The following IFI16 variants were observed in gnomAD, a reference collection of about 807,000 sequenced individuals.
The protein encoded by IFI16 is gamma-interferon-inducible protein 16.
Under a neutral mutation model 68.4 loss-of-function variants are expected in IFI16, and 49 were observed. The ratio of observed to expected loss-of-function variants is 0.72; its 90% CI spans 0.57 to 0.91. IFI16 has a LOEUF of 0.91. Among genes scored for constraint, IFI16 ranks in the 40% least tolerant of loss-of-function variants. The pLI is 0.00. For missense variants in IFI16, 878 were observed against 942.9 expected, an observed-to-expected ratio of 0.93 and a Z score of 0.90; for synonymous variants, 307 against 315.0, an observed-to-expected ratio of 0.97 and a Z score of 0.27.
At chr1:159,035,846 G>GA (rs140069239) in intron 7 of IFI16, among the ~76,000 whole-genome samples, 7,967 of 151,332 alleles carry the variant, frequency 0.053, 704 homozygotes, top group African/African-American at 0.18. Flanking sequence ...ATTGCTCTAA[G>GA]AAAAAAAATT....
At chr1:159,032,356 C>CAA in intron 6 of IFI16, 168 bp from the exon 7 acceptor site, 1 of 407,684 alleles carries the variant, frequency 2.5e-6, no homozygotes, top group Non-Finnish European at 4.3e-6. Flanking sequence ...CACATTTTAG[C>CAA]AAAAAAAATA....
chr1:159,005,036 G>A (rs115791814), upstream of IFI16, among the ~76,000 whole-genome samples: 403 of 152,230 alleles, frequency 2.6e-3, 2 homozygotes, highest in African/African-American at 9.2e-3. Context: ...CCAAATGGGA[G>A]GTATTTAGAT....
At chr1:159,024,152 C>T (rs1477946049) in intron 6 of IFI16, among the ~76,000 whole-genome samples, 1 of 152,168 alleles carries the variant, frequency 6.6e-6, no homozygotes, top group Non-Finnish European at 1.5e-5. Context: ...CAGGCATTTG[C>T]ATCTTGATAT....
At chr1:159,035,171 G>C (rs986578990) in intron 7 of IFI16, among the ~76,000 whole-genome samples, 1 of 151,228 alleles carries the variant, frequency 6.6e-6, no homozygotes, top group Non-Finnish European at 1.5e-5. Flanking sequence ...ATTTTTTTTT[G>C]GTTTGTTTTC....
chr1:159,023,958 C>T (rs777257563), intron 6 of IFI16, among the ~76,000 whole-genome samples: 6 of 152,180 alleles, frequency 3.9e-5, no homozygotes, highest in Non-Finnish European at 8.8e-5. Flanking sequence ...AGATAGAGAG[C>T]TCAGCATGAT....
intron 7 of IFI16, among the ~76,000 whole-genome samples, chr1:159,044,703 T>C (rs1654873120): frequency 6.6e-6 from 1 of 152,188 alleles, no homozygotes; most frequent in Non-Finnish European, 1.5e-5. Context: ...GGGAATGCTT[T>C]AGGTGGAATA....
chr1:159,013,836 T>A (rs1375765407), intron 1 of IFI16, among the ~76,000 whole-genome samples: 1 of 152,164 alleles, frequency 6.6e-6, no homozygotes, highest in African/African-American at 2.4e-5. Flanking sequence ...GTAAAAAAGA[T>A]GCAGCTTATT....
chr1:159,020,216 T>G (rs976963154), intron 5 of IFI16, 125 bp from the exon 6 acceptor site: 1 of 633,200 alleles, frequency 1.6e-6, no homozygotes, highest in Non-Finnish European at 2.8e-6. Flanking sequence ...GCCTAAGATA[T>G]GTGCATATCT....
At chr1:159,036,772 G>A (rs532414364) in intron 7 of IFI16, among the ~76,000 whole-genome samples, 43 of 152,218 alleles carry the variant, frequency 2.8e-4, no homozygotes, top group Middle Eastern at 3.4e-3. Flanking sequence ...TATCTTCAGT[G>A]TAAGTCAAAA....
intron 2 of IFI16, 37 bp from the exon 3 acceptor site, chr1:159,015,835 T>C (rs776240321): frequency 3.7e-5 from 55 of 1,468,680 alleles, no homozygotes; most frequent in Non-Finnish European, 5.7e-6. Flanking sequence ...CTTCCTTTTT[T>C]CTGCATTGGT....
intron 7 of IFI16, among the ~76,000 whole-genome samples, chr1:159,036,405 G>T (rs902402095): frequency 3.9e-5 from 6 of 152,088 alleles, no homozygotes; most frequent in Non-Finnish European, 8.8e-5. Context: ...TGATGTTATT[G>T]TCAGTCACAT....
intron 1 of IFI16, among the ~76,000 whole-genome samples, chr1:159,010,600 A>G (rs1652488490): frequency 6.6e-6 from 1 of 152,232 alleles, no homozygotes; most frequent in Non-Finnish European, 1.5e-5. Context: ...ATTATATGAC[A>G]TCATCCCAAT....
chr1:159,054,878 A>G lies in IFI16; in HGVS notation c.2335A>G (p.Thr779Ala). ...DILNPDSSMETSPDFFF is the reference protein window; with the variant it reads ...DILNPDSSMEASPDFFF ...ACTCAATCCTGATTCAAGTATGGAA[A>G]CTTCACCAGACTTTTTCTTCTAAAA... Residue 779 changes from threonine to alanine, a missense_variant, in exon 12 of 12, where the codon ACT (threonine) becomes GCT (alanine). This residue lies in a region of IFI16 where 311 missense variants were observed against 305.1 expected (regional missense o/e 1.02). Coordinates refer to ENST00000295809, the MANE Select transcript of IFI16 (RefSeq NM_001376587.1). The G allele has an allele frequency of 1.3e-6, 2 of 1,595,672 alleles. No homozygotes were observed. Among genetic ancestry groups the G allele is most frequent in the Middle Eastern group, 3.4e-4 (2 of 5,860 alleles).
In IFI16 at chr1:159,020,359, A is replaced by T; in HGVS notation, c.991A>T (p.Thr331Ser). The change falls in exon 6 of 12, where the codon ACC becomes TCC. Residue 331 changes from threonine to serine, a missense_variant. Thr to Ser is a moderately conservative substitution (Grantham distance 58). Coordinates refer to ENST00000295809, the MANE Select transcript of IFI16 (RefSeq NM_001376587.1). ...GTTACAGAAAACAGTAAATCAGAAG[A>T]CCACAATCTACGAAATTCAGGATGA... ...MLHKKTVNQK[T>S]TIYEIQDDRG... 1 of 1,608,302 alleles carries T rather than the reference A, an allele frequency of 6.2e-7. No individual in the cohort carries two copies. Among genetic ancestry groups the T allele is most frequent in the Non-Finnish European group, 8.5e-7 (1 of 1,177,344 alleles).
intron 1 of IFI16, among the ~76,000 whole-genome samples, chr1:159,010,928 A>T (rs1436008329): frequency 2.0e-5 from 3 of 152,148 alleles, no homozygotes; most frequent in Non-Finnish European, 4.4e-5. Context: ...ACAATATTTC[A>T]TGTGTGCTTA....
chr1:159,009,168 G>A (rs1396466463), upstream of IFI16: 2 of 152,172 alleles, frequency 1.3e-5, no homozygotes, highest in Non-Finnish European at 2.9e-5. Flanking sequence ...CACTATCCAC[G>A]TTTGTTTATC....
At chr1:159,041,951 T>A (rs1654673519) in intron 7 of IFI16, among the ~76,000 whole-genome samples, 1 of 152,224 alleles carries the variant, frequency 6.6e-6, no homozygotes, top group African/African-American at 2.4e-5. Flanking sequence ...CATACTGGCT[T>A]AAAAGGGACA....
chr1:159,014,701 C>T lies in IFI16; in HGVS notation c.21C>T (p.Asn7=). The change falls in exon 2 of 12, where the codon AAC becomes AAT. Residue 7 remains asparagine, a synonymous_variant. Transcript: ENST00000295809. MGKKYK[N]IVLLKGLEVI... is the part of the protein sequence containing the mutation. Reference sequence around the variant, plus strand: ...TAAAGATGGGAAAAAAATACAAGAACATTGTTCTACTAAAAGGATTAGAGG... The same window carrying T: ...TAAAGATGGGAAAAAAATACAAGAATATTGTTCTACTAAAAGGATTAGAGG... 6.2e-7 allele frequency: 1 copy of T among 1,600,556 alleles called. No homozygotes were observed. Among genetic ancestry groups the T allele is most frequent in the Non-Finnish European group, 8.5e-7 (1 of 1,173,026 alleles).
rs113596235 is a variant in IFI16 at position 159,044,393 on chromosome 1, T to A, written c.1330-904T>A. ...TAAACAATTTTGAAAATACAGTGTTTTGTTTGGGGTTTATTTCCATAGTCC... is the reference window on the plus strand; with the variant it reads ...TAAACAATTTTGAAAATACAGTGTTATGTTTGGGGTTTATTTCCATAGTCC... On this transcript the variant is annotated intron_variant, in intron 7 of 11. Coordinates refer to ENST00000295809, the MANE Select transcript of IFI16 (RefSeq NM_001376587.1). Among the ~76,000 whole-genome samples, 496 of 152,256 alleles carry A rather than the reference T, an allele frequency of 3.3e-3. 5 individuals carry two copies. Among genetic ancestry groups the A allele is most frequent in the African/African-American group, 0.011 (477 of 41,564 alleles).
Sources: gnomAD v4.1 joint callset for allele counts (sites outside exome capture counted in the v4.1 genomes callset) on GRCh38, gnomAD v4.1.1 for gene constraint, gnomAD v4.1.1 regional missense constraint, MANE v1.5 for transcripts, NCBI Gene and HGNC (gene_info 2026-07-23, HGNC 2026-07-21) for gene names.